MAGI2: variants seen among roughly 807,000 people sequenced by gnomAD.
MAGI2 encodes the protein membrane-associated guanylate kinase, WW and PDZ domain-containing protein 2.
A neutral mutation model predicts 133.3 loss-of-function variants in MAGI2; 35 were observed. The observed-to-expected ratio is 0.26, with a 90% CI of 0.20 to 0.35. The LOEUF (loss-of-function observed/expected upper bound fraction) is 0.35. Among genes scored for constraint, MAGI2 ranks in the 10% least tolerant of loss-of-function variants. The pLI is 1.00. For missense variants in MAGI2, 1,636 were observed against 1,863.4 expected (o/e 0.88, Z 2.25); for synonymous variants, 729 against 710.6 (o/e 1.03, Z -0.41).
chr7:78,785,958 A>G (rs976563108), intron 2 of MAGI2, among the ~76,000 whole-genome samples: 8 of 152,138 alleles, frequency 5.3e-5, no homozygotes, highest in Non-Finnish European at 8.8e-5. Context: ...AGAGGGAGAC[A>G]GAGGAATGAA....
chr7:79,151,446 T>C (rs1823232315), intron 1 of MAGI2, among the ~76,000 whole-genome samples: 1 of 152,188 alleles, frequency 6.6e-6, no homozygotes, highest in Non-Finnish European at 1.5e-5. Flanking sequence ...AAGCTCCTTA[T>C]TCTTCATTTT....
At chr7:78,958,656 T>C (rs1187914779) in intron 2 of MAGI2, among the ~76,000 whole-genome samples, 1 of 152,136 alleles carries the variant, frequency 6.6e-6, no homozygotes, top group Non-Finnish European at 1.5e-5. Context: ...ATGCGGTTCA[T>C]GTGTGTCAGA....
chr7:78,615,436 G>C (rs1482200704), intron 3 of MAGI2: 1 of 152,184 alleles, frequency 6.6e-6, no homozygotes, highest in East Asian at 1.9e-4. Context: ...GTTTCATGGA[G>C]ACCATTTACT....
chr7:78,926,155 C>A (rs904670051), intron 2 of MAGI2, among the ~76,000 whole-genome samples: 26 of 152,034 alleles, frequency 1.7e-4, no homozygotes, highest in Non-Finnish European at 2.6e-4. Flanking sequence ...TCTCTCACTC[C>A]ATTAATCCTT....
At chr7:78,246,822 C>T (rs111856407) in intron 10 of MAGI2, among the ~76,000 whole-genome samples, 3,944 of 152,200 alleles carry the variant, frequency 0.026, 83 homozygotes, top group Non-Finnish European at 0.035. Context: ...CTCCATAGCA[C>T]CCCTTCTTTT....
chr7:78,321,628 A>G (rs1309676156), intron 9 of MAGI2, among the ~76,000 whole-genome samples: 1 of 152,208 alleles, frequency 6.6e-6, no homozygotes, highest in Non-Finnish European at 1.5e-5. Context: ...CTCAAGATGG[A>G]TTGAAGACTT....
chr7:78,856,735 G>T (rs1056341790), intron 2 of MAGI2, among the ~76,000 whole-genome samples: 7 of 152,252 alleles, frequency 4.6e-5, no homozygotes, highest in African/African-American at 1.7e-4. Flanking sequence ...GGCAATGTGG[G>T]CTCTTTTTTG....
rs113781760 is a variant in MAGI2 at position 78,911,427 on chromosome 7, C to A, written c.418+95663G>T. On this transcript the variant is annotated intron_variant, in intron 2 of 21. Transcript: ENST00000354212. ...CAAAGCCTCAGGAATGGGAGTAGTG[C>A]CTTTACAAAAAAGGCTTCCAGGAAC... Among the ~76,000 whole-genome samples, 575 of 152,104 alleles carry A rather than the reference C, an allele frequency of 3.8e-3. 3 individuals carry two copies. The highest frequency in any genetic ancestry group is 0.013 in the African/African-American group (540 of 41,516).
rs541444493 is a variant in MAGI2, at chr7:78,029,276, T to C, written c.3707-9300A>G. The stretch of plus-strand genomic sequence containing the variant: ...AGATTTTAAAAAATCCCGGACTGGT[T>C]TGGGAATGTGGGGATGCCTAAGGAT... On this transcript the variant is annotated intron_variant, in intron 21 of 21. Coordinates refer to ENST00000354212, the MANE Select transcript of MAGI2 (RefSeq NM_012301.4). Among the ~76,000 whole-genome samples, 7 of 152,256 alleles carry C rather than the reference T, an allele frequency of 4.6e-5. 1 individual carries two copies. The highest frequency in any genetic ancestry group is 1.7e-4 in the African/African-American group (7 of 41,552).
At chr7:78,096,880 A>G (rs1449917778) in intron 20 of MAGI2, among the ~76,000 whole-genome samples, 1 of 152,140 alleles carries the variant, frequency 6.6e-6, no homozygotes, top group East Asian at 1.9e-4. Context: ...AACAGAGTAA[A>G]CAACCTACAG....
In MAGI2 at chr7:79,216,090, T is replaced by C. The variant is rs147093783; in HGVS notation, c.302-208884A>G. ...ACCACATCCCTCTATCCTGTAACCATATAAACCTCAAACCCAAGGCTCCAT... is the reference window on the plus strand; with the variant it reads ...ACCACATCCCTCTATCCTGTAACCACATAAACCTCAAACCCAAGGCTCCAT... On this transcript the variant is annotated intron_variant, in intron 1 of 21. Coordinates refer to ENST00000354212, the MANE Select transcript of MAGI2 (RefSeq NM_012301.4). Among the ~76,000 whole-genome samples, 265 of 151,790 alleles carry C rather than the reference T, an allele frequency of 1.7e-3. 3 individuals carry two copies. The highest frequency in any genetic ancestry group is 0.013 in the East Asian group (66 of 5,134).
intron 1 of MAGI2, chr7:79,415,019 G>A (rs1290291753): frequency 1.3e-5 from 2 of 152,128 alleles, no homozygotes; most frequent in Non-Finnish European, 2.9e-5. Flanking sequence ...AAATGATGTG[G>A]CCAAGATTTC....
At chr7:79,382,774 T>C (rs981134220) in intron 1 of MAGI2, among the ~76,000 whole-genome samples, 1 of 151,686 alleles carries the variant, frequency 6.6e-6, no homozygotes, top group African/African-American at 2.4e-5. Flanking sequence ...CAACAGTTAT[T>C]GTGCAATGCA....
rs527453610 is a variant in MAGI2 at position 78,358,507 on chromosome 7, G to A, written c.1103+10649C>T. The A allele has an allele frequency of 7.0e-4, 107 of 153,176 alleles. 1 individual carries two copies. Among genetic ancestry groups the A allele is most frequent in the Admixed American group, 5.3e-3 (82 of 15,404 alleles). The allele number at this position is 153,176 out of a possible 1,614,324, so 9.5% of individuals were successfully genotyped here. On this transcript the variant is annotated intron_variant, in intron 7 of 21. Coordinates refer to ENST00000354212, the MANE Select transcript of MAGI2 (RefSeq NM_012301.4). Reference sequence around the variant, plus strand: ...ACCCTTCCCAAGGCCCACCCGCCCCGCCATTCCTGGGCCCCCAGCGCATCT... The same window carrying A: ...ACCCTTCCCAAGGCCCACCCGCCCCACCATTCCTGGGCCCCCAGCGCATCT...
intron 20 of MAGI2, among the ~76,000 whole-genome samples, chr7:78,083,548 G>C (rs929509415): frequency 6.6e-6 from 1 of 152,200 alleles, no homozygotes; most frequent in African/African-American, 2.4e-5. Context: ...AAGGACTTAA[G>C]AGGAATTCTA....
Position 78,666,050 on chromosome 7 carries a change from G to A in MAGI2, c.419-38811C>T, listed in dbSNP as rs115401853. ...CCAGTTTCCAACTGAAAACTGAAAGGTAGTCAATGGAACAGAGTGAGCTGA... is the reference window on the plus strand; with the variant it reads ...CCAGTTTCCAACTGAAAACTGAAAGATAGTCAATGGAACAGAGTGAGCTGA... On this transcript the variant is annotated intron_variant, in intron 2 of 21. Coordinates refer to ENST00000354212, the MANE Select transcript of MAGI2 (RefSeq NM_012301.4). 2.0e-3 allele frequency among the ~76,000 whole-genome samples: 309 copies of A among 152,210 alleles called. 1 individual carries two copies. The highest frequency in any genetic ancestry group is 7.3e-3 in the African/African-American group (302 of 41,534).
rs527321386 is a variant in MAGI2 at position 78,070,494 on chromosome 7, ATG to A, written c.3706+8451_3706+8452del. ...TGTGTATATATATGTGTGTGTATAT[ATG>A]TGTGTGTATATATATGTGTGTATAT... On this transcript the variant is annotated intron_variant, in intron 21 of 21. Transcript: ENST00000354212. Among the ~76,000 whole-genome samples, 544 of 144,156 alleles carry A rather than the reference ATG, an allele frequency of 3.8e-3. 3 individuals carry two copies. Among genetic ancestry groups the A allele is most frequent in the African/African-American group, 0.014 (524 of 37,844 alleles). The allele number at this position is 144,156 out of a possible 152,430, so 94.6% of individuals were successfully genotyped here.
intron 2 of MAGI2, among the ~76,000 whole-genome samples, chr7:78,906,536 A>C (rs1184702948): frequency 2.6e-5 from 4 of 152,214 alleles, no homozygotes; most frequent in African/African-American, 9.6e-5. Flanking sequence ...AGGAATCTCT[A>C]CCAACATGGT....
chr7:78,629,085 TG>T (rs1488804642), intron 2 of MAGI2, among the ~76,000 whole-genome samples: 1 of 152,140 alleles, frequency 6.6e-6, no homozygotes, highest in Non-Finnish European at 1.5e-5. Context: ...CCAGGGCTGC[TG>T]ACTTGTTTGG....
Sources: gnomAD v4.1 joint callset for allele counts (sites outside exome capture counted in the v4.1 genomes callset) on GRCh38, gnomAD v4.1.1 for gene constraint, MANE v1.5 for transcripts, NCBI Gene and HGNC (gene_info 2026-07-23, HGNC 2026-07-21) for gene names.